The following TTC16 variants were observed in gnomAD, a reference collection of about 807,000 sequenced individuals.
TTC16 encodes the protein tetratricopeptide repeat domain 16, also known as tetratricopeptide repeat protein 16.
In TTC16, 66 loss-of-function variants were observed where a neutral mutation model predicts 80.4. The observed-to-expected ratio is 0.82, with a 90% CI of 0.67 to 1.01. The LOEUF (loss-of-function observed/expected upper bound fraction) is 1.01, where lower values mean the gene tolerates loss of function less well. Among genes scored for constraint, TTC16 ranks in the 50% least tolerant of loss-of-function variants. The probability of loss-of-function intolerance (pLI) is 0.00; values close to 1 mark genes in which losing one functional copy is unlikely to be tolerated. For missense variants in TTC16, 1,070 were observed against 1,103.2 expected (o/e 0.97, Z 0.43); for synonymous variants, 438 against 451.3 (o/e 0.97, Z 0.37).
At chr9:127,729,025 G>C (rs1844186175) in intron 12 of TTC16, 2 of 153,256 alleles carry the variant, frequency 1.3e-5, no homozygotes, top group African/African-American at 4.8e-5. Flanking sequence ...CGTGGGCAGA[G>C]ACCCGCAGCC....
chr9:127,723,009 G>T, intron 6 of TTC16, 110 bp from the exon 7 acceptor site: 12 of 989,296 alleles, frequency 1.2e-5, no homozygotes, highest in East Asian at 2.5e-5. Flanking sequence ...ATGGAGGGAT[G>T]TGAGGGGCAC....
rs534184574 is a variant in TTC16, at chr9:127,716,955, A to T, written c.130A>T (p.Ser44Cys). ...HIFGTSHVFQ[S>C]ICDVKPKVTG... The stretch of plus-strand genomic sequence containing the variant: ...CTTTGGGACCAGCCACGTGTTCCAA[A>T]GCATCTGTGATGTAAAACCAAAGGT... The change falls in exon 2 of 14, where the codon AGC becomes TGC. Residue 44 changes from serine (S) to cysteine (C), a missense_variant. Transcript: ENST00000373289. 21 of 1,614,088 alleles carry T rather than the reference A, an allele frequency of 1.3e-5. No homozygotes were observed. In the Admixed American group the frequency reaches 3.5e-4, roughly 27 times the overall value.
At chr9:127,721,895 AG>A (rs1843543066) in intron 6 of TTC16, among the ~76,000 whole-genome samples, 1 of 152,056 alleles carries the variant, frequency 6.6e-6, no homozygotes, top group Non-Finnish European at 1.5e-5. Context: ...AGGTTTCGCC[AG>A]GTGATACCCC....
At chr9:127,720,445 C>G (rs779095552) in intron 6 of TTC16, 50 bp downstream of exon 6, 1 of 1,604,826 alleles carries the variant, frequency 6.2e-7, no homozygotes, top group South Asian at 1.1e-5. Context: ...TGGGAGTCCT[C>G]AGTGTGCCCC....
At chr9:127,717,307 C>T (rs1429957661) in intron 2 of TTC16, 27 bp from the exon 3 acceptor site, 2 of 1,602,852 alleles carry the variant, frequency 1.2e-6, no homozygotes, top group South Asian at 1.1e-5. Context: ...AGGGCCACCC[C>T]TCTGCCTGTC....
Position 127,716,868 on chromosome 9 carries a change from C to T in TTC16, c.43C>T (p.Pro15Ser), listed in dbSNP as rs1458340239. The T allele has an allele frequency of 6.2e-7, 1 of 1,613,236 alleles. No homozygotes were observed. Among genetic ancestry groups the T allele is most frequent in the Non-Finnish European group, 8.5e-7 (1 of 1,179,494 alleles). ...DEDALKVDQG[P>S]SRDIPKPWVI... ...GGATGCCCTGAAGGTTGACCAGGGC[C>T]CCTCACGGGACATCCCAAAGCCATG... The change falls in exon 2 of 14, where the codon CCC becomes TCC. Residue 15 changes from proline (P) to serine (S), a missense_variant. Pro to Ser is a moderately conservative substitution (Grantham distance 74). Coordinates refer to ENST00000373289, the MANE Select transcript of TTC16 (RefSeq NM_144965.3).
intron 12 of TTC16, chr9:127,727,674 T>G: frequency 9.3e-7 from 1 of 1,074,894 alleles, no homozygotes; most frequent in Non-Finnish European, 1.3e-6. Flanking sequence ...TGTGGGGATG[T>G]GGGCCCTCAG....
intron 7 of TTC16, 43 bp from the exon 8 acceptor site, chr9:127,724,077 G>C (rs1276153370): frequency 8.0e-6 from 12 of 1,509,316 alleles, no homozygotes; most frequent in Non-Finnish European, 1.1e-5. Context: ...GGGTGCACTG[G>C]CGCTCATGTC....
At chr9:127,725,710 C>T (rs1843900413) in intron 9 of TTC16, among the ~76,000 whole-genome samples, 1 of 151,944 alleles carries the variant, frequency 6.6e-6, no homozygotes, top group Non-Finnish European at 1.5e-5. Flanking sequence ...AGCAACTCTC[C>T]TGCCTTAGCT....
rs776154481 is a variant in TTC16, at chr9:127,731,279, G to A, written c.2496G>A (p.Glu832=). ...QGQGQRSSKA[E]GAQGKSQGMS... ...AGGGCCAGAGGTCCAGCAAGGCTGAGGGTGCCCAGGGCAAGAGCCAGGGCA... is the reference window on the plus strand; with the variant it reads ...AGGGCCAGAGGTCCAGCAAGGCTGAAGGTGCCCAGGGCAAGAGCCAGGGCA... The change falls in exon 14 of 14, where the codon GAG becomes GAA. Residue 832 remains glutamate, a synonymous_variant. Transcript: ENST00000373289. The A allele has an allele frequency of 6.2e-7, 1 of 1,613,266 alleles. No homozygotes were observed. Among genetic ancestry groups the A allele is most frequent in the Non-Finnish European group, 8.5e-7 (1 of 1,180,040 alleles).
At chr9:127,717,556 G>A (rs1206362791) in intron 3 of TTC16, 73 bp from the exon 4 acceptor site, 7 of 1,587,926 alleles carry the variant, frequency 4.4e-6, no homozygotes, top group Non-Finnish European at 6.0e-6. Context: ...TCTCAGGGGG[G>A]TGGAGACTTT....
chr9:127,723,025 AGGCAT>A lies in TTC16; in HGVS notation c.658-91_658-87del, dbSNP rs1238663778. On this transcript the variant is annotated intron_variant, in intron 6 of 13. Transcript: ENST00000373289. ...TGGAGGGATGTGAGGGGCACGGAGG[AGGCAT>A]GGTGTGATGCCACCCTGCTGAAGAA... 3 of 1,232,218 alleles carry A rather than the reference AGGCAT, an allele frequency of 2.4e-6. No homozygotes were observed. In the Admixed American group the frequency reaches 5.5e-5, roughly 23 times the overall value. 76.3% of individuals were successfully genotyped at this position (1,232,218 alleles called of 1,614,324 possible).
chr9:127,719,338 C>T lies in TTC16; in HGVS notation c.427-740C>T, dbSNP rs555191914. Among the ~76,000 whole-genome samples the T allele has an allele frequency of 3.9e-5, 6 of 152,348 alleles. No homozygotes were observed. In the South Asian group the frequency reaches 1.2e-3, roughly 32 times the overall value. On this transcript the variant is annotated intron_variant, in intron 4 of 13. Coordinates refer to ENST00000373289, the MANE Select transcript of TTC16 (RefSeq NM_144965.3). ...GTGTACCCTTGTGCAAGTCACTTCA[C>T]CTCTCTGAGCCTCAGTTCCTTTATC... is the stretch of plus-strand genomic sequence containing the variant.
intron 9 of TTC16, among the ~76,000 whole-genome samples, chr9:127,725,115 A>G (rs1178061632): frequency 6.6e-6 from 1 of 152,184 alleles, no homozygotes; most frequent in Non-Finnish European, 1.5e-5. Context: ...AATATAAAAA[A>G]ATTTAAAAAT....
Position 127,720,695 on chromosome 9 carries a change from G to A in TTC16, c.657+300G>A, listed in dbSNP as rs537661129. Among the ~76,000 whole-genome samples the A allele has an allele frequency of 3.3e-5, 5 of 151,696 alleles. No homozygotes were observed. The East Asian group carries it at 7.8e-4, about 24-fold the overall frequency. ...TCCGGATGGAGCTCACACCCTGGGG[G>A]AGGTGTCCCTGGGCAGATGAGCACA... is the stretch of plus-strand genomic sequence containing the variant. On this transcript the variant is annotated intron_variant, in intron 6 of 13. Transcript: ENST00000373289.
chr9:127,724,935 C>T (rs571056142), intron 9 of TTC16, 38 bp downstream of exon 9: 307 of 1,457,560 alleles, frequency 2.1e-4, no homozygotes, highest in South Asian at 2.0e-3. Context: ...GCGGGGCAGG[C>T]CCGAGGGCAG....
Position 127,727,488 on chromosome 9 carries a change from C to T in TTC16, c.1764+23C>T, listed in dbSNP as rs762480098. On this transcript the variant is annotated intron_variant, in intron 12 of 13. Coordinates refer to ENST00000373289, the MANE Select transcript of TTC16 (RefSeq NM_144965.3). ...GAGGTAAGTGGAGTACAGGCCAGGG[C>T]TCGGAGCCCTTGGGGTCTGGGGCAC... 4 of 1,551,238 alleles carry T rather than the reference C, an allele frequency of 2.6e-6. No homozygotes were observed. The South Asian group carries it at 3.6e-5, about 14-fold the overall frequency.
Position 127,730,861 on chromosome 9 carries a change from G to A in TTC16, c.2078G>A (p.Arg693Gln), listed in dbSNP as rs527320285. 2.6e-5 allele frequency: 41 copies of A among 1,602,380 alleles called. No homozygotes were observed. The highest frequency in any genetic ancestry group is 1.1e-4 in the African/African-American group (8 of 70,748). Residue 693 changes from arginine (R) to glutamine (Q), a missense_variant, in exon 14 of 14, where the codon CGG becomes CAG. By Grantham distance (43) the Arg-to-Gln change is conservative (BLOSUM62 1). Coordinates refer to ENST00000373289, the MANE Select transcript of TTC16 (RefSeq NM_144965.3). ...ACTGAGCCCACCCAGAGCCAGAGGC[G>A]GAACTCCAGCAAGACCAAGGCCACT... ...SKTEPTQSQR[R>Q]NSSKTKATIH...
intron 6 of TTC16, among the ~76,000 whole-genome samples, chr9:127,721,980 T>C (rs916455022): frequency 6.6e-6 from 1 of 152,152 alleles, no homozygotes; most frequent in Non-Finnish European, 1.5e-5. Flanking sequence ...TAATTATTGA[T>C]AATTATTGGT....
Sources: gnomAD v4.1 joint callset for allele counts (sites outside exome capture counted in the v4.1 genomes callset) on GRCh38, gnomAD v4.1.1 for gene constraint, MANE v1.5 for transcripts, NCBI Gene and HGNC (gene_info 2026-07-23, HGNC 2026-07-21) for gene names.